CYP39A1: variants seen among roughly 807,000 people sequenced by gnomAD.
CYP39A1 encodes the protein 24-hydroxycholesterol 7-alpha-hydroxylase.
In CYP39A1, 49 loss-of-function variants were observed where a neutral mutation model predicts 58.1. The observed-to-expected ratio is 0.84, with a 90% confidence interval of 0.67 to 1.07. The LOEUF is 1.07. Among genes scored for constraint, CYP39A1 ranks in the 50% least tolerant of loss-of-function variants. CYP39A1 has a pLI of 0.00. For missense variants in CYP39A1, 531 were observed against 539.4 expected, an observed-to-expected ratio of 0.98 and a Z score of 0.16; for synonymous variants, 209 against 187.6, an observed-to-expected ratio of 1.11 and a Z score of -0.93.
intron 7 of CYP39A1, among the ~76,000 whole-genome samples, chr6:46,602,147 AATGGATGG>A (rs545425113): frequency 5.3e-5 from 8 of 152,006 alleles, no homozygotes; most frequent in African/African-American, 1.5e-4. Flanking sequence ...TGAATAAATG[AATGGATGG>A]ATGGATGGAT....
intron 6 of CYP39A1, 31 bp downstream of exon 6, chr6:46,630,932 A>T: frequency 1.4e-6 from 2 of 1,448,528 alleles, no homozygotes; most frequent in Non-Finnish European, 1.9e-6. Flanking sequence ...AGTGGAGAGC[A>T]ACGTAACTCA....
intron 1 of CYP39A1, among the ~76,000 whole-genome samples, chr6:46,651,126 A>G (rs1359210104): frequency 6.6e-6 from 1 of 152,248 alleles, no homozygotes; most frequent in Non-Finnish European, 1.5e-5. Context: ...CATATAAACA[A>G]TTTAAGTGTG....
chr6:46,628,782 C>T (rs544269355), intron 6 of CYP39A1, among the ~76,000 whole-genome samples: 58 of 152,292 alleles, frequency 3.8e-4, no homozygotes, highest in African/African-American at 1.2e-3. Context: ...TATTCCCACT[C>T]TGGGGCCTTT....
chr6:46,617,612 C>T (rs1002711214), intron 7 of CYP39A1, among the ~76,000 whole-genome samples: 3 of 152,114 alleles, frequency 2.0e-5, no homozygotes, highest in African/African-American at 7.2e-5. Context: ...AATTTTGAAA[C>T]AAGGAGATTT....
At chr6:46,612,381 C>T (rs1196510887) in intron 7 of CYP39A1, among the ~76,000 whole-genome samples, 1 of 152,182 alleles carries the variant, frequency 6.6e-6, no homozygotes, top group African/African-American at 2.4e-5. Flanking sequence ...TCATCCTGAT[C>T]TTCAAGGCCA....
At chr6:46,600,960 T>C (rs946263131) in intron 7 of CYP39A1, among the ~76,000 whole-genome samples, 32 of 152,128 alleles carry the variant, frequency 2.1e-4, no homozygotes, top group African/African-American at 7.2e-4. Context: ...CTAATTTCAA[T>C]GGGCATCTGA....
At chr6:46,604,245 T>A (rs1773697704) in intron 7 of CYP39A1, among the ~76,000 whole-genome samples, 1 of 152,206 alleles carries the variant, frequency 6.6e-6, no homozygotes, top group South Asian at 2.1e-4. Flanking sequence ...AAAACTGATC[T>A]GTTGAATAAA....
intron 1 of CYP39A1, among the ~76,000 whole-genome samples, chr6:46,650,147 CAT>C (rs1762586316): frequency 6.6e-6 from 1 of 152,054 alleles, no homozygotes; most frequent in African/African-American, 2.4e-5. Flanking sequence ...CACATACACA[CAT>C]ACACACCTTG....
At chr6:46,557,930 T>A (rs1272936305) in intron 10 of CYP39A1, among the ~76,000 whole-genome samples, 1 of 84,522 alleles carries the variant, frequency 1.2e-5, no homozygotes, top group Admixed American at 1.8e-4. Context: ...CAAGACTCCA[T>A]CTCAAAAAAA....
Position 46,607,092 on chromosome 6 carries a change from C to T in CYP39A1, c.932-10972G>A, listed in dbSNP as rs532844382. On this transcript the variant is annotated intron_variant, in intron 7 of 11. Coordinates refer to ENST00000275016, the MANE Select transcript of CYP39A1 (RefSeq NM_016593.5). ...GCCTTCAAACCTATGTCTGTCTATA[C>T]TGAAAGCCTTCAACCTTGCTACTAC... Among the ~76,000 whole-genome samples, 136 of 152,246 alleles carry T rather than the reference C, an allele frequency of 8.9e-4. 1 individual carries two copies. The highest frequency in any genetic ancestry group is 1.1e-3 in the Non-Finnish European group (76 of 68,010).
intron 2 of CYP39A1, among the ~76,000 whole-genome samples, chr6:46,640,763 C>T (rs1776282708): frequency 1.3e-5 from 2 of 149,558 alleles, no homozygotes; most frequent in Admixed American, 1.3e-4. Flanking sequence ...AACCTTTGCC[C>T]CCTGCCGCCC....
chr6:46,621,532 G>A (rs1028388008), intron 7 of CYP39A1, among the ~76,000 whole-genome samples: 3 of 152,060 alleles, frequency 2.0e-5, no homozygotes, highest in Admixed American at 1.3e-4. Context: ...GGAACACTAT[G>A]AAAAATTTTA....
At chr6:46,632,563 T>G (rs1280836806) in intron 5 of CYP39A1, among the ~76,000 whole-genome samples, 3 of 151,972 alleles carry the variant, frequency 2.0e-5, no homozygotes, top group Non-Finnish European at 4.4e-5. Context: ...ATCACCCAGG[T>G]ACTAAGCCTA....
chr6:46,623,462 C>T (rs985809366), intron 7 of CYP39A1, among the ~76,000 whole-genome samples: 5 of 152,126 alleles, frequency 3.3e-5, no homozygotes, highest in Admixed American at 2.6e-4. Context: ...TTCTGGATGA[C>T]AGATGAGTAT....
chr6:46,550,341 T>C lies in CYP39A1; in HGVS notation c.*25A>G, dbSNP rs570723902. On this transcript the variant is annotated 3_prime_UTR_variant, in exon 12 of 12. Coordinates refer to ENST00000275016, the MANE Select transcript of CYP39A1 (RefSeq NM_016593.5). ...GTAGTGCCACTCCTCCAGAAGGCCC[T>C]GGTCCTTGTGAGGCCCAACAGATGT... 1.3e-3 allele frequency: 2,094 copies of C among 1,608,436 alleles called. 43 individuals carry two copies. The South Asian group carries it at 0.022, about 17-fold the overall frequency.
intron 7 of CYP39A1, among the ~76,000 whole-genome samples, chr6:46,618,052 A>G (rs1489788140): frequency 6.6e-6 from 1 of 152,166 alleles, no homozygotes; most frequent in Non-Finnish European, 1.5e-5. Context: ...GAAAAACTCA[A>G]AGTTACAACA....
intron 10 of CYP39A1, among the ~76,000 whole-genome samples, chr6:46,582,298 G>C (rs917963693): frequency 6.6e-6 from 1 of 152,102 alleles, no homozygotes. Context: ...AAGTATAAAA[G>C]GGAGAAAGCT....
chr6:46,595,258 A>C (rs1396276759), intron 8 of CYP39A1, among the ~76,000 whole-genome samples: 1 of 152,006 alleles, frequency 6.6e-6, no homozygotes, highest in Non-Finnish European at 1.5e-5. Context: ...AAGGTTCCTC[A>C]AAAAATTAAA....
chr6:46,638,847 T>C (rs1375783743), intron 3 of CYP39A1, among the ~76,000 whole-genome samples: 1 of 152,104 alleles, frequency 6.6e-6, no homozygotes, highest in Non-Finnish European at 1.5e-5. Flanking sequence ...ACTTACGAAA[T>C]CTCTTTATGC....
Sources: gnomAD v4.1 joint callset for allele counts (sites outside exome capture counted in the v4.1 genomes callset) on GRCh38, gnomAD v4.1.1 for gene constraint, MANE v1.5 for transcripts, NCBI Gene and HGNC (gene_info 2026-07-23, HGNC 2026-07-21) for gene names.